The following CA10 variants were observed in gnomAD, a reference collection of about 807,000 sequenced individuals.
CA10 encodes the protein carbonic anhydrase-related protein 10.
Under a neutral mutation model 44.2 loss-of-function variants are expected in CA10, and 14 were observed. The ratio of observed to expected loss-of-function variants is 0.32; its 90% confidence interval spans 0.21 to 0.50. The LOEUF (loss-of-function observed/expected upper bound fraction) is 0.50. Ranked by LOEUF, CA10 falls within the 20% of genes least tolerant of loss-of-function variation. CA10 has a pLI of 0.99. For missense variants in CA10, 350 were observed against 409.7 expected, an observed-to-expected ratio of 0.85 and a Z score of 1.26; for synonymous variants, 159 against 141.6, an observed-to-expected ratio of 1.12 and a Z score of -0.87.
At chr17:51,985,935 T>A (rs999363768) in intron 2 of CA10, among the ~76,000 whole-genome samples, 1 of 151,826 alleles carries the variant, frequency 6.6e-6, no homozygotes, top group Non-Finnish European at 1.5e-5. Flanking sequence ...CCAAAAGCAA[T>A]CCACAAATTC....
chr17:51,794,914 G>C (rs371854329), intron 3 of CA10, among the ~76,000 whole-genome samples: 26 of 152,336 alleles, frequency 1.7e-4, no homozygotes, highest in African/African-American at 3.8e-4. Flanking sequence ...TAGTTAACTA[G>C]AGGGAATTAT....
intron 3 of CA10, among the ~76,000 whole-genome samples, chr17:51,861,020 T>C (rs1979280578): frequency 6.6e-6 from 1 of 152,230 alleles, no homozygotes; most frequent in Non-Finnish European, 1.5e-5. Context: ...ATGCCATTTA[T>C]GAAGCCACTG....
intron 2 of CA10, among the ~76,000 whole-genome samples, chr17:51,984,317 A>G (rs1984753554): frequency 6.6e-6 from 1 of 151,916 alleles, no homozygotes; most frequent in South Asian, 2.1e-4. Context: ...GAACAAAAAT[A>G]ATGACACAAC....
At chr17:52,153,086 G>A (rs372963312) in intron 1 of CA10, among the ~76,000 whole-genome samples, 24 of 152,030 alleles carry the variant, frequency 1.6e-4, no homozygotes, top group African/African-American at 5.8e-4. Flanking sequence ...ACTGACTTAG[G>A]CTAGTAATCA....
chr17:51,863,607 T>C (rs1417294760), intron 3 of CA10, among the ~76,000 whole-genome samples: 1 of 152,094 alleles, frequency 6.6e-6, no homozygotes, highest in Non-Finnish European at 1.5e-5. Flanking sequence ...AGTTTGGAGG[T>C]CTCTTGGGCC....
At chr17:52,029,601 A>G (rs181464069) in intron 2 of CA10, among the ~76,000 whole-genome samples, 38 of 149,626 alleles carry the variant, frequency 2.5e-4, no homozygotes, top group African/African-American at 8.5e-4. Flanking sequence ...GTAAAACACC[A>G]AAGATTGCCA....
At chr17:52,122,636 T>C (rs1240738204) in intron 1 of CA10, among the ~76,000 whole-genome samples, 1 of 152,188 alleles carries the variant, frequency 6.6e-6, no homozygotes, top group Non-Finnish European at 1.5e-5. Flanking sequence ...TCTTCTGATA[T>C]AGCCTTCCAT....
At chr17:51,775,294 G>T (rs1905777174) in intron 3 of CA10, among the ~76,000 whole-genome samples, 1 of 152,160 alleles carries the variant, frequency 6.6e-6, no homozygotes, top group African/African-American at 2.4e-5. Context: ...ATGGTTTAGG[G>T]TAAGTTTAAT....
At chr17:51,932,109 G>C (rs547922274) in intron 2 of CA10, among the ~76,000 whole-genome samples, 1 of 152,148 alleles carries the variant, frequency 6.6e-6, no homozygotes, top group Admixed American at 6.5e-5. Context: ...GCTGAATCTC[G>C]AGGAAGGCAG....
At chr17:51,646,717 C>T (rs1913354402) in intron 6 of CA10, among the ~76,000 whole-genome samples, 1 of 152,174 alleles carries the variant, frequency 6.6e-6, no homozygotes, top group African/African-American at 2.4e-5. Context: ...CTGCCTGCCA[C>T]TGGGCTAACC....
intron 3 of CA10, among the ~76,000 whole-genome samples, chr17:51,883,590 T>C (rs904159219): frequency 6.6e-6 from 1 of 152,158 alleles, no homozygotes; most frequent in Non-Finnish European, 1.5e-5. Context: ...CAGCTCCTTC[T>C]GCCTGAGAAC....
intron 2 of CA10, among the ~76,000 whole-genome samples, chr17:52,035,502 G>A (rs1002944545): frequency 4.6e-5 from 7 of 152,330 alleles, no homozygotes; most frequent in Non-Finnish European, 1.0e-4. Flanking sequence ...GATACAAAAA[G>A]CTGTCACACT....
chr17:52,150,335 C>T (rs1300414846), intron 1 of CA10, among the ~76,000 whole-genome samples: 1 of 152,132 alleles, frequency 6.6e-6, no homozygotes, highest in African/African-American at 2.4e-5. Context: ...CAAACACTTT[C>T]TATACCTTTT....
chr17:51,707,006 A>G (rs1253633762), intron 4 of CA10, among the ~76,000 whole-genome samples: 3 of 152,136 alleles, frequency 2.0e-5, no homozygotes, highest in Non-Finnish European at 4.4e-5. Flanking sequence ...GCTTGTCACT[A>G]TTTGATCCTT....
chr17:51,949,638 G>A (rs549299416), intron 2 of CA10, among the ~76,000 whole-genome samples: 11 of 152,236 alleles, frequency 7.2e-5, no homozygotes, highest in African/African-American at 2.2e-4. Context: ...GTAAGCCAAC[G>A]CAGAACTCCT....
At chr17:51,761,788 T>C (rs1271642679) in intron 3 of CA10, 1 of 152,234 alleles carries the variant, frequency 6.6e-6, no homozygotes, top group African/African-American at 2.4e-5. Flanking sequence ...CGTAGGGTCC[T>C]AAACTGATAT....
At chr17:52,105,267 T>G (rs2970012) in intron 1 of CA10, among the ~76,000 whole-genome samples, 53,269 of 151,760 alleles carry the variant, frequency 0.35, 11,541 homozygotes, top group Non-Finnish European at 0.49. Context: ...TTGTTTTTTT[T>G]TTTTGAAATG....
At chr17:51,941,020 T>A (rs552851053) in intron 2 of CA10, among the ~76,000 whole-genome samples, 1 of 152,260 alleles carries the variant, frequency 6.6e-6, no homozygotes, top group African/African-American at 2.4e-5. Flanking sequence ...TAGATTTACA[T>A]CAAATTCTAC....
chr17:51,996,533 A>C (rs1985243074), intron 2 of CA10, among the ~76,000 whole-genome samples: 1 of 152,040 alleles, frequency 6.6e-6, no homozygotes, highest in South Asian at 2.1e-4. Context: ...AAATCTTCCC[A>C]GTGTGGCCCT....
Sources: allele counts gnomAD v4.1 joint callset (sites outside exome capture counted in the v4.1 genomes callset), GRCh38; gene constraint gnomAD v4.1.1; transcripts MANE v1.5; gene names NCBI Gene and HGNC (gene_info 2026-07-23, HGNC 2026-07-21).